CYP4F11: variants seen among roughly 807,000 people sequenced by gnomAD.
The protein encoded by CYP4F11 is cytochrome P450 4F11.
CYP4F11 carries 79 observed loss-of-function variants against 62.2 expected under a neutral mutation model. The ratio of observed to expected loss-of-function variants is 1.27; its 90% CI spans 1.06 to 1.53. The LOEUF is 1.53. Ranked by LOEUF, CYP4F11 falls within the 40% of genes most tolerant of loss-of-function variation. The pLI, the probability that CYP4F11 is intolerant of heterozygous loss-of-function variation, is 0.00. For missense variants in CYP4F11, 777 were observed against 680.5 expected (o/e 1.14, Z -1.58); for synonymous variants, 290 against 263.7 (o/e 1.10, Z -0.97).
In CYP4F11 at chr19:15,929,487, C is replaced by T. The variant is rs1389406361; in HGVS notation, c.313G>A (p.Asp105Asn). 1 of 1,614,108 alleles carries T rather than the reference C, an allele frequency of 6.2e-7. No individual in the cohort carries two copies. Among genetic ancestry groups the T allele is most frequent in the Admixed American group, 1.7e-5 (1 of 60,006 alleles). Residue 105 changes from aspartate (D) to asparagine (N), a missense_variant, in exon 2 of 12, where the codon GAC becomes AAC. Coordinates refer to ENST00000402119, the MANE Select transcript of CYP4F11 (RefSeq NM_021187.4). ...GCACTGGTGATAGGCCGGATAATGT[C>T]AGGGTGGCATAAAATGAGGAGGGGG... ...TFPLLILCHP[D>N]IIRPITSASA...
intron 8 of CYP4F11, 74 bp downstream of exon 8, chr19:15,921,963 A>T (rs946305020): frequency 3.4e-6 from 5 of 1,464,458 alleles, no homozygotes; most frequent in Non-Finnish European, 4.5e-6. Context: ...GACCAAAAAA[A>T]CTCCCTCCCT....
At chr19:15,919,297 TAA>T in intron 8 of CYP4F11, among the ~76,000 whole-genome samples, 1 of 148,664 alleles carries the variant, frequency 6.7e-6, no homozygotes, top group Middle Eastern at 3.6e-3. Context: ...CCTATTTATA[TAA>T]ATAAAATACA....
chr19:15,931,325 C>A (rs960826448), intron 1 of CYP4F11, among the ~76,000 whole-genome samples: 1 of 151,792 alleles, frequency 6.6e-6, no homozygotes, highest in Non-Finnish European at 1.5e-5. Flanking sequence ...AGGGAGTAGT[C>A]CCTGGACAGT....
At chr19:15,933,281 T>C (rs368359870) in intron 1 of CYP4F11, among the ~76,000 whole-genome samples, 56 of 5,628 alleles carry the variant, frequency 1.0e-2, no homozygotes, top group Admixed American at 0.013. Context: ...AATGAGTGAG[T>C]GAGGAGAGGA....
chr19:15,923,950 G>A lies in CYP4F11; in HGVS notation c.780C>T (p.Cys260=). 1.2e-6 allele frequency: 2 copies of A among 1,614,172 alleles called. No homozygotes were observed. The highest frequency in any genetic ancestry group is 1.7e-5 in the Admixed American group (1 of 60,022). ...TPDGQRFRRA[C]HLVHDFTDAV... ...CATCTGTGAAGTCGTGCACCAGGTG[G>A]CAGGCCCTGCGGAAGCGCTGCCCAT... The change falls in exon 6 of 12, where the codon TGC becomes TGT. Residue 260 remains cysteine (C), a synonymous_variant. Coordinates refer to ENST00000402119, the MANE Select transcript of CYP4F11 (RefSeq NM_021187.4).
intron 6 of CYP4F11, among the ~76,000 whole-genome samples, chr19:15,923,302 T>A (rs949348849): frequency 1.3e-4 from 20 of 148,594 alleles, no homozygotes; most frequent in Admixed American, 6.7e-5. Flanking sequence ...ACTCTCGCCC[T>A]GGAAGGAAGA....
intron 1 of CYP4F11, among the ~76,000 whole-genome samples, chr19:15,933,209 G>A (rs866290783): frequency 2.4e-5 from 1 of 42,516 alleles, no homozygotes; most frequent in Middle Eastern, 0.01. Flanking sequence ...AGTGAGGAGA[G>A]GAATGAGTGA....
At chr19:15,925,743 C>CACACACACAT (rs2089664025) in intron 4 of CYP4F11, among the ~76,000 whole-genome samples, 1 of 150,986 alleles carries the variant, frequency 6.6e-6, no homozygotes, top group Non-Finnish European at 1.5e-5. Flanking sequence ...CACACACACA[C>CACACACACAT]ACACACACAC....
chr19:15,934,454 A>G lies in CYP4F11; in HGVS notation c.-46T>C. On this transcript the variant is annotated 5_prime_UTR_variant, in exon 1 of 12. Transcript: ENST00000402119. Reference sequence around the variant, plus strand: ...GAGGGTGGGATCCTGAGGCCCAGGGAAGGGCCCAGGAAGCTCCAAGGACAG... The same window carrying G: ...GAGGGTGGGATCCTGAGGCCCAGGGGAGGGCCCAGGAAGCTCCAAGGACAG... 6.2e-7 allele frequency: 1 copy of G among 1,603,514 alleles called. No homozygotes were observed. The highest frequency in any genetic ancestry group is 1.3e-5 in the African/African-American group (1 of 74,358).
At position 15,912,771 on chromosome 19, in the gene CYP4F11, G is replaced by GTATA. The variant is rs1165544142; in HGVS notation, c.*957_*960dup. On this transcript the variant is annotated 3_prime_UTR_variant, in exon 12 of 12. Coordinates refer to ENST00000402119, the MANE Select transcript of CYP4F11 (RefSeq NM_021187.4). ...TGTGTGTGTGTGTGTGTGTGTGTGTGTATATATATATATATATAATATATA... is the reference window on the plus strand; with the variant it reads ...TGTGTGTGTGTGTGTGTGTGTGTGTGTATATATATATATATATATATAATATATA... The GTATA allele has an allele frequency of 4.3e-3, 120 of 28,078 alleles. 6 individuals carry two copies. The highest frequency in any genetic ancestry group is 0.014 in the African/African-American group (107 of 7,768). 1.7% of individuals were successfully genotyped at this position (28,078 alleles called of 1,614,324 possible).
rs571933855 is a variant in CYP4F11, at chr19:15,924,820, G to A, written c.588C>T (p.Ser196=). ...SARLDMFEHI[S]LMTLDSLQKC... ...TCTGCAGACTGTCCAAGGTCATGAG[G>A]CTGATGTGTTCAAACATGTCCAGTC... The change falls in exon 5 of 12, where the codon AGC becomes AGT. Residue 196 remains serine (S), a synonymous_variant. Coordinates refer to ENST00000402119, the MANE Select transcript of CYP4F11 (RefSeq NM_021187.4). 6 of 1,613,344 alleles carry A rather than the reference G, an allele frequency of 3.7e-6. No individual in the cohort carries two copies. In the African/African-American group the frequency reaches 8.0e-5, roughly 22 times the overall value.
chr19:15,924,060 C>T lies in CYP4F11; in HGVS notation c.670G>A (p.Ala224Thr), dbSNP rs373592797. The T allele has an allele frequency of 6.4e-5, 103 of 1,613,782 alleles. No homozygotes were observed. Among genetic ancestry groups the T allele is most frequent in the South Asian group, 1.2e-4 (11 of 91,074 alleles). The change falls in exon 6 of 12, where the codon GCC becomes ACC. Residue 224 changes from alanine to threonine, a missense_variant. By Grantham distance (58) the Ala-to-Thr change is moderately conservative (BLOSUM62 0). Coordinates refer to ENST00000402119, the MANE Select transcript of CYP4F11 (RefSeq NM_021187.4). ...ACAAAGGCACTGAGCTCCAAGATGGCGGCAATATATTCACTGGGCTTCCTG... is the reference window on the plus strand; with the variant it reads ...ACAAAGGCACTGAGCTCCAAGATGGTGGCAATATATTCACTGGGCTTCCTG... ...CQEKPSEYIA[A>T]ILELSAFVEK...
At chr19:15,931,621 CGAGGAGAGGAATGAGTGAGCGAGG>C (rs2089723298) in intron 1 of CYP4F11, among the ~76,000 whole-genome samples, 2 of 24,404 alleles carry the variant, frequency 8.2e-5, no homozygotes, top group East Asian at 1.5e-3. Context: ...AATGAGTGAG[CGAGGAGAGGAATGAGTGAGCGAGG>C]AGAGGAATGA....
At chr19:15,917,275 G>A (rs1599371030) in intron 8 of CYP4F11, among the ~76,000 whole-genome samples, 3 of 152,112 alleles carry the variant, frequency 2.0e-5, no homozygotes, top group African/African-American at 7.2e-5. Flanking sequence ...CTCAGGGAGG[G>A]ACGTTGGGAG....
Position 15,930,056 on chromosome 19 carries a change from GCT to G in CYP4F11, c.199-457_199-456del, listed in dbSNP as rs10645958. 1.3e-3 allele frequency among the ~76,000 whole-genome samples: 190 copies of G among 149,520 alleles called. 1 individual carries two copies. Among genetic ancestry groups the G allele is most frequent in the Non-Finnish European group, 1.9e-3 (128 of 67,286 alleles). On this transcript the variant is annotated intron_variant, in intron 1 of 11. Transcript: ENST00000402119. Reference sequence around the variant, plus strand: ...TTCCGTAATAAACTCTCTCTCTCACGCTCTCTCTCTCTCTCTCTGTCTCATAC... The same window carrying G: ...TTCCGTAATAAACTCTCTCTCTCACGCTCTCTCTCTCTCTCTGTCTCATAC...
chr19:15,934,140 G>C, intron 1 of CYP4F11, 71 bp downstream of exon 1: 5 of 1,538,222 alleles, frequency 3.3e-6, no homozygotes, highest in Non-Finnish European at 4.4e-6. Context: ...CCAGCTCCCT[G>C]AGCCCCATTC....
intron 4 of CYP4F11, among the ~76,000 whole-genome samples, chr19:15,926,069 C>T (rs918744479): frequency 6.6e-6 from 1 of 151,370 alleles, no homozygotes; most frequent in African/African-American, 2.4e-5. Flanking sequence ...GAGGCTGATG[C>T]AGGACAATGG....
At chr19:15,919,054 CTA>C (rs578096929) in intron 8 of CYP4F11, among the ~76,000 whole-genome samples, 1 of 149,302 alleles carries the variant, frequency 6.7e-6, no homozygotes, top group South Asian at 2.1e-4. Context: ...ATACATATTT[CTA>C]TGTATATGGA....
intron 6 of CYP4F11, among the ~76,000 whole-genome samples, chr19:15,923,418 T>C (rs1195112261): frequency 6.6e-6 from 1 of 152,154 alleles, no homozygotes. Context: ...AAACATTGCA[T>C]TACCCTAGAA....
Sources: allele counts gnomAD v4.1 joint callset (sites outside exome capture counted in the v4.1 genomes callset), GRCh38; gene constraint gnomAD v4.1.1; transcripts MANE v1.5; gene names NCBI Gene and HGNC (gene_info 2026-07-23, HGNC 2026-07-21).